Variants in TTC39C observed in about 807,000 individuals in gnomAD.
The protein encoded by TTC39C is tetratricopeptide repeat protein 39C.
Under a neutral mutation model 76.3 loss-of-function variants are expected in TTC39C, and 33 were observed. The observed-to-expected ratio is 0.43, with a 90% CI of 0.33 to 0.58. TTC39C has a LOEUF of 0.58. TTC39C is among the 20% of genes least tolerant of loss of function. The pLI, the probability that TTC39C is intolerant of heterozygous loss-of-function variation, is 0.04. For synonymous variants in TTC39C, 254 were observed against 260.6 expected, an observed-to-expected ratio of 0.97 and a Z score of 0.24; for missense variants, 595 against 701.4, an observed-to-expected ratio of 0.85 and a Z score of 1.71.
In TTC39C at chr18:24,114,570, C is replaced by T. The variant is rs1568442870; in HGVS notation, c.1001C>T (p.Ala334Val). The change falls in exon 7 of 14, where the codon GCC (alanine) becomes GTC (valine). Residue 334 changes from alanine to valine, a missense_variant. Transcript: ENST00000317571. ...IQRLECQINS[A>V]LTSFHTALEL... is the part of the protein sequence containing the mutation. ...TCTCCTTAGTGTCAAATCAACAGTG[C>T]CTTGACATCTTTCCACACTGCTTTG... 3 of 1,613,730 alleles carry T rather than the reference C, an allele frequency of 1.9e-6. No individual in the cohort carries two copies. The highest frequency in any genetic ancestry group is 2.5e-6 in the Non-Finnish European group (3 of 1,179,670).
Position 24,122,500 on chromosome 18 carries a change from C to CA in TTC39C, c.1187-1314dup, listed in dbSNP as rs36002596. Among the ~76,000 whole-genome samples, 14 of 51,042 alleles carry CA rather than the reference C, an allele frequency of 2.7e-4. 1 individual carries two copies. The highest frequency in any genetic ancestry group is 1.4e-3 in the South Asian group (1 of 718). 33.5% of individuals were successfully genotyped at this position (51,042 alleles called of 152,430 possible). On this transcript the variant is annotated intron_variant, in intron 8 of 13. Transcript: ENST00000317571. Reference sequence around the variant, plus strand: ...CTGGTGACAGAGCAAGACTCCATCTCAAAAAAAAAAAAAAAAAAAAGAAGA... The same window carrying CA: ...CTGGTGACAGAGCAAGACTCCATCTCAAAAAAAAAAAAAAAAAAAAAGAAGA...
intron 1 of TTC39C, among the ~76,000 whole-genome samples, chr18:24,027,715 A>G (rs1393643416): frequency 6.6e-6 from 1 of 151,960 alleles, no homozygotes; most frequent in Non-Finnish European, 1.5e-5. Flanking sequence ...CTGTGCCACC[A>G]CACCCGGCTA....
intron 1 of TTC39C, among the ~76,000 whole-genome samples, chr18:24,028,405 C>T (rs971491578): frequency 2.6e-5 from 4 of 152,156 alleles, no homozygotes; most frequent in African/African-American, 9.7e-5. Context: ...GATCTTTTCT[C>T]CTAATGGAAG....
intron 4 of TTC39C, among the ~76,000 whole-genome samples, chr18:24,075,317 G>A (rs1010955427): frequency 1.3e-5 from 2 of 151,974 alleles, no homozygotes; most frequent in Admixed American, 1.3e-4. Flanking sequence ...AAAAAAGTCT[G>A]TTGGTGAAGG....
At chr18:24,126,982 A>C (rs1043043959) in intron 10 of TTC39C, among the ~76,000 whole-genome samples, 7 of 152,260 alleles carry the variant, frequency 4.6e-5, no homozygotes, top group Admixed American at 2.6e-4. Flanking sequence ...ACAAATGCAA[A>C]TATAAGGTAG....
intron 1 of TTC39C, among the ~76,000 whole-genome samples, chr18:24,024,007 TA>T (rs1568409129): frequency 1.2e-3 from 29 of 23,408 alleles, no homozygotes; most frequent in African/African-American, 7.8e-3. Context: ...TATATATATA[TA>T]TATATATATT....
At chr18:24,092,936 C>T (rs1026692534) in intron 6 of TTC39C, among the ~76,000 whole-genome samples, 4 of 152,110 alleles carry the variant, frequency 2.6e-5, no homozygotes, top group Non-Finnish European at 5.9e-5. Flanking sequence ...ATTAGCTGGG[C>T]GCACAGCTGT....
In TTC39C at chr18:24,081,458, T is replaced by C. The variant is rs2084374510; in HGVS notation, c.815+519T>C. Among the ~76,000 whole-genome samples, 4 of 152,216 alleles carry C rather than the reference T, an allele frequency of 2.6e-5. No homozygotes were observed. The South Asian group carries it at 8.3e-4, about 31-fold the overall frequency. ...TAATAATTATTTAAGCAGGAGAGCA[T>C]GAGGAAGCTGATATAACTATCTAGA... On this transcript the variant is annotated intron_variant, in intron 5 of 13. Coordinates refer to ENST00000317571, the MANE Select transcript of TTC39C (RefSeq NM_001135993.2).
chr18:24,008,750 A>G (rs190693403), intron 1 of TTC39C, among the ~76,000 whole-genome samples: 48 of 152,386 alleles, frequency 3.1e-4, no homozygotes, highest in African/African-American at 1.1e-3. Flanking sequence ...GTAAAGACAC[A>G]TAATTCAACT....
At chr18:24,093,568 C>T (rs12458946) in intron 6 of TTC39C, among the ~76,000 whole-genome samples, 19,928 of 151,786 alleles carry the variant, frequency 0.13, 1,657 homozygotes, top group Admixed American at 0.21. Context: ...CTGATTAAAC[C>T]AAGTTTGATG....
intron 10 of TTC39C, 88 bp from the exon 11 acceptor site, chr18:24,128,798 C>A: frequency 9.3e-7 from 1 of 1,071,224 alleles, no homozygotes; most frequent in Non-Finnish European, 1.4e-6. Context: ...GAAACATGAA[C>A]TGAAACATTT....
chr18:24,114,671 C>T (rs377024619), intron 7 of TTC39C, 24 bp downstream of exon 7: 1 of 1,560,290 alleles, frequency 6.4e-7, no homozygotes. Flanking sequence ...GTCTGTCCAG[C>T]CTCTTGTTAA....
Position 24,062,495 on chromosome 18 carries a change from A to G in TTC39C, c.168-1645A>G, listed in dbSNP as rs979464559. Among the ~76,000 whole-genome samples the G allele has an allele frequency of 2.1e-3, 324 of 152,294 alleles. 2 individuals are homozygous for G. The highest frequency in any genetic ancestry group is 7.4e-3 in the African/African-American group (308 of 41,558). ...CCCATATAGTGCTGTGGAATGAGAA[A>G]AACTAATGTGTATTTTGAGGCAGAT... is the stretch of plus-strand genomic sequence containing the variant. On this transcript the variant is annotated intron_variant, in intron 1 of 13. Coordinates refer to ENST00000317571, the MANE Select transcript of TTC39C (RefSeq NM_001135993.2).
upstream of TTC39C, among the ~76,000 whole-genome samples, chr18:24,013,690 T>C (rs574670780): frequency 6.6e-6 from 1 of 152,354 alleles, no homozygotes; most frequent in African/African-American, 2.4e-5. Context: ...ATAATCTTGA[T>C]TGCAACACTA....
rs1182625147 is a variant in TTC39C, at chr18:24,134,257, G to GTTTTTTTTTTTTTTTTT, written c.*1689_*1690insTTTTTTTTTTTTTTTTT. The GTTTTTTTTTTTTTTTTT allele has an allele frequency of 3.5e-4, 17 of 48,686 alleles. 4 individuals are homozygous for GTTTTTTTTTTTTTTTTT. Among genetic ancestry groups the GTTTTTTTTTTTTTTTTT allele is most frequent in the African/African-American group, 7.8e-4 (13 of 16,712 alleles). The allele number at this position is 48,686 out of a possible 1,614,324, so 3.0% of individuals were successfully genotyped here. A position where few individuals can be genotyped will look rare whatever the true frequency, so the allele number is the denominator to read the frequency against. On this transcript the variant is annotated 3_prime_UTR_variant, in exon 14 of 14. Coordinates refer to ENST00000317571, the MANE Select transcript of TTC39C (RefSeq NM_001135993.2). ...TGGTGCCCAAAAATATTGGACATCT[G>GTTTTTTTTTTTTTTTTT]TTTTTTGTTTTTTTTTTTTTTTTTT...
chr18:24,123,860 G>C lies in TTC39C; in HGVS notation c.1213G>C (p.Asp405His), dbSNP rs754106232. Residue 405 changes from aspartate to histidine, a missense_variant, in exon 9 of 14, where the codon GAT (aspartate) becomes CAT (histidine). By Grantham distance (81) the Asp-to-His change is moderately conservative. Transcript: ENST00000317571. ...AVCQGATGDV[D>H]GAQIVFKEVQ... Reference sequence around the variant, plus strand: ...TTGTCAGGGAGCCACTGGTGATGTGGATGGGGCACAGATTGTCTTTAAAGA... The same window carrying C: ...TTGTCAGGGAGCCACTGGTGATGTGCATGGGGCACAGATTGTCTTTAAAGA... 5 of 1,612,198 alleles carry C rather than the reference G, an allele frequency of 3.1e-6. No homozygotes were observed. The African/African-American group carries it at 6.7e-5, about 22-fold the overall frequency.
At chr18:24,042,286 G>A (rs1375611417) in intron 1 of TTC39C, among the ~76,000 whole-genome samples, 5 of 152,152 alleles carry the variant, frequency 3.3e-5, no homozygotes, top group Non-Finnish European at 5.9e-5. Context: ...GGTTTCATGG[G>A]TGACAGTTTT....
intron 1 of TTC39C, among the ~76,000 whole-genome samples, chr18:23,997,682 G>GAA (rs1190647790): frequency 6.8e-6 from 1 of 147,890 alleles, no homozygotes; most frequent in Non-Finnish European, 1.5e-5. Flanking sequence ...AAGAAAGAAA[G>GAA]AAAGAAAGAA....
intron 6 of TTC39C, among the ~76,000 whole-genome samples, chr18:24,103,834 C>T (rs1029313475): frequency 5.3e-5 from 8 of 151,782 alleles, no homozygotes; most frequent in East Asian, 1.9e-4. Flanking sequence ...AAAGTAACTT[C>T]GTTAGTAAAA....
Sources: allele counts gnomAD v4.1 joint callset (sites outside exome capture counted in the v4.1 genomes callset), GRCh38; gene constraint gnomAD v4.1.1; transcripts MANE v1.5; gene names NCBI Gene and HGNC (gene_info 2026-07-23, HGNC 2026-07-21).